The following NLRP1 variants were observed in gnomAD, a reference collection of about 807,000 sequenced individuals.
NLRP1 encodes NLR family pyrin domain containing 1, also known as NACHT, LRR and PYD domains-containing protein 1.
Under a neutral mutation model 136.7 loss-of-function variants are expected in NLRP1, and 94 were observed. The ratio of observed to expected loss-of-function variants is 0.69; its 90% CI spans 0.58 to 0.82. NLRP1 has a LOEUF of 0.82. Among genes scored for constraint, NLRP1 ranks in the 40% least tolerant of loss-of-function variants. The pLI, the probability that NLRP1 is intolerant of heterozygous loss-of-function variation, is 0.00. For synonymous variants in NLRP1, 690 were observed against 725.1 expected (o/e 0.95, Z 0.78); for missense variants, 1,575 against 1,802.7 (o/e 0.87, Z 2.29).
chr17:5,557,913 G>A (rs1338226365), intron 4 of NLRP1, among the ~76,000 whole-genome samples: 1 of 152,186 alleles, frequency 6.6e-6, no homozygotes, highest in Non-Finnish European at 1.5e-5. Flanking sequence ...CATGGAAAGG[G>A]TTCCTGAAGC....
chr17:5,514,774 G>A lies in NLRP1; in HGVS notation c.4402C>T (p.Leu1468Phe), dbSNP rs1907868024. The A allele has an allele frequency of 6.2e-7, 1 of 1,614,124 alleles. No homozygotes were observed. Among genetic ancestry groups the A allele is most frequent in the Non-Finnish European group, 8.5e-7 (1 of 1,179,988 alleles). Residue 1468 changes from leucine (L) to phenylalanine (F), a missense_variant, in exon 17 of 17, where the codon CTC becomes TTC. Leu to Phe is a conservative substitution (Grantham distance 22). Transcript: ENST00000572272. ...ATACTTCAGCTGCTGAGTGGCAGGA[G>A]TCCCTTTTTGCTGCCCTTCTCCCAG... ...ELWEKGSKKG[L>F]LPLSS
Position 5,520,979 on chromosome 17 carries a change from C to A in NLRP1, c.3817G>T (p.Val1273Leu). ...AGCGGGGGTGGCTTGTGGATTCGCA[C>A]AAACTGGAATTTCATTTCTAGATCA... ...IDDLEMKFQF[V>L]RIHKPPPLTP... The change falls in exon 14 of 17, where the codon GTG (valine) becomes TTG (leucine). Residue 1273 changes from valine to leucine, a missense_variant. Coordinates refer to ENST00000572272, the MANE Select transcript of NLRP1 (RefSeq NM_033004.4). 6.2e-7 allele frequency: 1 copy of A among 1,611,820 alleles called. No homozygotes were observed. Among genetic ancestry groups the A allele is most frequent in the Non-Finnish European group, 8.5e-7 (1 of 1,178,920 alleles).
chr17:5,515,361 T>C (rs909126548), intron 16 of NLRP1, 112 bp downstream of exon 16: 5 of 953,178 alleles, frequency 5.2e-6, no homozygotes, highest in African/African-American at 4.8e-5. Context: ...GCCTGACTCT[T>C]TGTGAGGTTT....
chr17:5,582,899 G>A (rs912946219), intron 1 of NLRP1, 53 bp from the exon 2 acceptor site: 6 of 1,452,524 alleles, frequency 4.1e-6, no homozygotes, highest in Non-Finnish European at 5.6e-6. Flanking sequence ...CAGGGGCAAG[G>A]TGCCAGGGAA....
At chr17:5,512,404 T>A, downstream of NLRP1, 2 of 1,008,154 alleles carry the variant, frequency 2.0e-6, no homozygotes, top group Non-Finnish European at 3.2e-6. Flanking sequence ...AGTGCCCATA[T>A]CTTGATTTTC....
At chr17:5,560,649 C>T (rs572890354) in intron 3 of NLRP1, among the ~76,000 whole-genome samples, 1 of 152,300 alleles carries the variant, frequency 6.6e-6, no homozygotes, top group African/African-American at 2.4e-5. Flanking sequence ...GGGTCCCTTG[C>T]CCCCAGGACA....
intron 15 of NLRP1, chr17:5,505,110 A>C (rs1907272240): frequency 6.6e-6 from 1 of 152,192 alleles, no homozygotes; most frequent in Non-Finnish European, 1.5e-5. Context: ...CAAGCCAGGA[A>C]TCTCCCCTTT....
rs767993237 is a variant in NLRP1, at chr17:5,559,590, C to A, written c.1106G>T (p.Cys369Phe). 1.9e-6 allele frequency: 3 copies of A among 1,614,230 alleles called. No individual in the cohort carries two copies. The highest frequency in any genetic ancestry group is 2.5e-6 in the Non-Finnish European group (3 of 1,180,044). ...CACCTTGGACTGGGCCAGCTCTCTG[C>A]AGCTGAAGTAGAAGACATGCTGGAA... is the stretch of plus-strand genomic sequence containing the variant. ...DRFQHVFYFSCRELAQSKVVS... is the reference protein window; with the variant it reads ...DRFQHVFYFSFRELAQSKVVS... Residue 369 changes from cysteine to phenylalanine, a missense_variant, in exon 4 of 17, where the codon TGC becomes TTC. Transcript: ENST00000572272.
intron 5 of NLRP1, among the ~76,000 whole-genome samples, chr17:5,543,234 A>T (rs1912111190): frequency 6.6e-6 from 1 of 152,068 alleles, no homozygotes; most frequent in Non-Finnish European, 1.5e-5. Context: ...GCCTCAAAAG[A>T]GGGGCAAGTC....
At chr17:5,531,980 C>T (rs1293821817) in intron 11 of NLRP1, among the ~76,000 whole-genome samples, 4 of 152,152 alleles carry the variant, frequency 2.6e-5, no homozygotes, top group African/African-American at 7.2e-5. Flanking sequence ...CGGTGGCTCA[C>T]GCCTGTAATC....
chr17:5,520,831 C>T, intron 14 of NLRP1, 50 bp downstream of exon 14: 1 of 1,476,188 alleles, frequency 6.8e-7, no homozygotes, highest in Non-Finnish European at 9.1e-7. Context: ...GCATTCATTC[C>T]CAGGTAGGAC....
chr17:5,561,540 T>C (rs1234288383), intron 3 of NLRP1, among the ~76,000 whole-genome samples: 2 of 60,380 alleles, frequency 3.3e-5, no homozygotes, highest in African/African-American at 1.3e-4. Context: ...GCTTCCCGGG[T>C]TCACGCCATT....
At chr17:5,529,532 T>C (rs1909974713) in intron 12 of NLRP1, among the ~76,000 whole-genome samples, 1 of 152,068 alleles carries the variant, frequency 6.6e-6, no homozygotes, top group South Asian at 2.1e-4. Context: ...CACGCCCGGC[T>C]AATTTTTGTA....
downstream of NLRP1, chr17:5,512,676 T>G: frequency 3.4e-6 from 1 of 295,818 alleles, no homozygotes; most frequent in Non-Finnish European, 6.5e-6. Context: ...CAGCAGGGCC[T>G]GGCGCTTGAT....
chr17:5,519,701 GTC>G (rs2151739662), intron 14 of NLRP1, among the ~76,000 whole-genome samples: 1 of 152,048 alleles, frequency 6.6e-6, no homozygotes, highest in African/African-American at 2.4e-5. Context: ...ACCCGCCTTG[GTC>G]TCCCAAAGTG....
chr17:5,558,978 G>C lies in NLRP1; in HGVS notation c.1718C>G (p.Ser573Cys), dbSNP rs150220855. 117 of 1,614,140 alleles carry C rather than the reference G, an allele frequency of 7.2e-5. No individual in the cohort carries two copies. In the African/African-American group the frequency reaches 1.1e-3, roughly 15 times the overall value. Residue 573 changes from serine to cysteine, a missense_variant, in exon 4 of 17, where the codon TCT (serine) becomes TGT (cysteine). Physicochemically the swap from Ser to Cys is moderately radical, Grantham distance 112. Coordinates refer to ENST00000572272, the MANE Select transcript of NLRP1 (RefSeq NM_033004.4). The part of the protein sequence containing the change: ...PLGPQLRDLC[S>C]LAAEGIWQKK... Reference sequence around the variant, plus strand: ...TTGCCAGATGCCCTCAGCAGCCAGAGAGCAGAGGTCTCTGAGCTGGGGTCC... The same window carrying C: ...TTGCCAGATGCCCTCAGCAGCCAGACAGCAGAGGTCTCTGAGCTGGGGTCC...
At chr17:5,501,930 G>T (rs964511983) in intron 15 of NLRP1, 2 of 1,475,012 alleles carry the variant, frequency 1.4e-6, no homozygotes, top group Non-Finnish European at 1.9e-6. Flanking sequence ...GATTGGAGAG[G>T]TCCACTGGCC....
At chr17:5,565,698 G>A (rs973830970) in intron 3 of NLRP1, among the ~76,000 whole-genome samples, 36 of 152,310 alleles carry the variant, frequency 2.4e-4, no homozygotes, top group Middle Eastern at 3.4e-3. Flanking sequence ...CTCAGAGAAT[G>A]AGTGTGGTAA....
At chr17:5,529,534 A>AT (rs1567638330) in intron 12 of NLRP1, among the ~76,000 whole-genome samples, 1 of 151,782 alleles carries the variant, frequency 6.6e-6, no homozygotes, top group Admixed American at 6.6e-5. Context: ...CGCCCGGCTA[A>AT]TTTTTGTATT....
Sources: gnomAD v4.1 joint callset for allele counts (sites outside exome capture counted in the v4.1 genomes callset) on GRCh38, gnomAD v4.1.1 for gene constraint, MANE v1.5 for transcripts, NCBI Gene and HGNC (gene_info 2026-07-23, HGNC 2026-07-21) for gene names.